ANO3: variants seen among roughly 807,000 people sequenced by gnomAD.
The protein encoded by ANO3 is anoctamin-3.
In ANO3, 99 loss-of-function variants were observed where a neutral mutation model predicts 144.8. The observed-to-expected ratio is 0.68, with a 90% CI of 0.58 to 0.81. ANO3 has a LOEUF of 0.81. ANO3 is among the 30% of genes least tolerant of loss of function. The probability of loss-of-function intolerance (pLI) is 0.00; values close to 1 mark genes in which losing one functional copy is unlikely to be tolerated. For missense variants in ANO3, 905 were observed against 1,202.2 expected (o/e 0.75, Z 3.66); for synonymous variants, 414 against 392.6 (o/e 1.05, Z -0.64).
At chr11:26,255,930 C>G (rs1481508369) in intron 1 of ANO3, among the ~76,000 whole-genome samples, 1 of 152,144 alleles carries the variant, frequency 6.6e-6, no homozygotes, top group Non-Finnish European at 1.5e-5. Context: ...AGGCCAGTCA[C>G]AGACTGTAGA....
At chr11:26,457,019 G>A (rs1224130059) in intron 3 of ANO3, among the ~76,000 whole-genome samples, 4 of 146,362 alleles carry the variant, frequency 2.7e-5, no homozygotes, top group Non-Finnish European at 5.9e-5. Flanking sequence ...GGTGGGAATT[G>A]AACTATGAGA....
intron 1 of ANO3, among the ~76,000 whole-genome samples, chr11:26,428,861 G>A (rs1332377971): frequency 1.3e-5 from 2 of 151,588 alleles, no homozygotes; most frequent in Admixed American, 1.3e-4. Flanking sequence ...GGAATAATGA[G>A]GGATTGGCTA....
intron 11 of ANO3, among the ~76,000 whole-genome samples, chr11:26,546,422 G>T (rs1849790015): frequency 6.6e-6 from 1 of 151,912 alleles, no homozygotes; most frequent in Non-Finnish European, 1.5e-5. Flanking sequence ...AGAAGAGAAG[G>T]CTTGTTAAGG....
intron 4 of ANO3, among the ~76,000 whole-genome samples, chr11:26,474,600 C>T (rs1261572236): frequency 1.3e-5 from 2 of 151,744 alleles, no homozygotes; most frequent in Non-Finnish European, 2.9e-5. Context: ...ACATCAGGTA[C>T]GAAGTTCACT....
At position 26,553,249 on chromosome 11, in the gene ANO3, C is replaced by G; in HGVS notation, c.1290C>G (p.Ser430Arg). The G allele has an allele frequency of 7.1e-7, 1 of 1,412,896 alleles. No individual in the cohort carries two copies. The highest frequency in any genetic ancestry group is 1.8e-5 in the Admixed American group (1 of 56,128). The allele number at this position is 1,412,896 out of a possible 1,614,324, so 87.5% of individuals were successfully genotyped here. A position where few individuals can be genotyped will look rare whatever the true frequency, so the allele number is the denominator to read the frequency against. Residue 430 changes from serine to arginine, a missense_variant and splice_region_variant, in exon 13 of 27, where the codon AGC (serine) becomes AGG (arginine). By Grantham distance (110) the Ser-to-Arg change is moderately radical. Coordinates refer to ENST00000256737, the MANE Select transcript of ANO3 (RefSeq NM_031418.4). ...GLFTMNNSQV[S>R]QEICKATEVF... ...GTTTTTGTTTTTGTTTTTTCTCAAG[C>G]CAAGAAATTTGTAAAGCCACTGAAG...
chr11:26,486,068 T>TA (rs147645311), intron 4 of ANO3, among the ~76,000 whole-genome samples: 27,904 of 151,510 alleles, frequency 0.18, 2,776 homozygotes, highest in South Asian at 0.34. Context: ...TTTATTTATT[T>TA]AAAAAAAAAT....
intron 1 of ANO3, among the ~76,000 whole-genome samples, chr11:26,249,218 C>G (rs934157367): frequency 2.6e-5 from 4 of 152,052 alleles, no homozygotes; most frequent in African/African-American, 9.7e-5. Flanking sequence ...AAACAAGACC[C>G]GCTTAATGTA....
chr11:26,355,859 C>T (rs1408498757), intron 1 of ANO3, among the ~76,000 whole-genome samples: 1 of 152,146 alleles, frequency 6.6e-6, no homozygotes, highest in African/African-American at 2.4e-5. Context: ...CGTGCCAAGC[C>T]CCCGCCGAAA....
chr11:26,657,756 G>A (rs1248200742), intron 26 of ANO3, among the ~76,000 whole-genome samples: 3 of 151,744 alleles, frequency 2.0e-5, no homozygotes, highest in Admixed American at 6.6e-5. Flanking sequence ...AACTTATTTT[G>A]TGCCTTCCCC....
At chr11:26,398,929 C>A (rs1857081686) in intron 1 of ANO3, among the ~76,000 whole-genome samples, 1 of 151,914 alleles carries the variant, frequency 6.6e-6, no homozygotes, top group African/African-American at 2.4e-5. Context: ...CTTTTGAAGT[C>A]AGTCTAGAAA....
At chr11:26,649,070 T>C (rs1853440639) in intron 24 of ANO3, among the ~76,000 whole-genome samples, 1 of 152,168 alleles carries the variant, frequency 6.6e-6, no homozygotes, top group Admixed American at 6.5e-5. Context: ...TAGGTTCGAG[T>C]TGTAACTTTG....
At chr11:26,229,775 A>T (rs1852349369) in intron 1 of ANO3, among the ~76,000 whole-genome samples, 1 of 152,194 alleles carries the variant, frequency 6.6e-6, no homozygotes, top group African/African-American at 2.4e-5. Context: ...AAACTTTAAA[A>T]TTGTGCATAC....
At position 26,560,918 on chromosome 11, in the gene ANO3, C is replaced by G. The variant is rs1473513655; in HGVS notation, c.1447+1139C>G. On this transcript the variant is annotated intron_variant, in intron 14 of 26. Coordinates refer to ENST00000256737, the MANE Select transcript of ANO3 (RefSeq NM_031418.4). ...ACCTTTGGATGATACATCCTGTCTA[C>G]ATTTCTGCTACTGGTCTCCTGCTTT... 2.8e-5 allele frequency: 21 copies of G among 755,924 alleles called. No individual in the cohort carries two copies. The Admixed American group carries it at 7.0e-4, about 25-fold the overall frequency. The allele number at this position is 755,924 out of a possible 1,614,324, so 46.8% of individuals were successfully genotyped here.
At chr11:26,246,196 T>C (rs1216919716) in intron 1 of ANO3, among the ~76,000 whole-genome samples, 2 of 152,108 alleles carry the variant, frequency 1.3e-5, no homozygotes, top group African/African-American at 2.4e-5. Context: ...CAGTAACATA[T>C]TTATTCTTTC....
In ANO3 at chr11:26,445,826, T is replaced by TTTA. The variant is rs200089142; in HGVS notation, c.313+2008_313+2010dup. Among the ~76,000 whole-genome samples the TTTA allele has an allele frequency of 6.9e-3, 1,054 of 151,750 alleles. 57 individuals are homozygous for TTTA. In the East Asian group the frequency reaches 0.1, roughly 14 times the overall value. On this transcript the variant is annotated intron_variant, in intron 3 of 26. Transcript: ENST00000256737. Reference sequence around the variant, plus strand: ...CTATGAGTGTTTTTTATTATTTTATTTTATTATTATTATTATTATTTTTGA... The same window carrying TTTA: ...CTATGAGTGTTTTTTATTATTTTATTTTATTATTATTATTATTATTATTTTTGA...
At chr11:26,239,352 C>T (rs17243204) in intron 1 of ANO3, among the ~76,000 whole-genome samples, 6,345 of 152,204 alleles carry the variant, frequency 0.042, 185 homozygotes, top group Non-Finnish European at 0.059. Flanking sequence ...TAATTTTCAT[C>T]TTCACTTACA....
At chr11:26,538,013 T>C (rs1340500901) in intron 10 of ANO3, among the ~76,000 whole-genome samples, 8 of 152,322 alleles carry the variant, frequency 5.3e-5, no homozygotes, top group South Asian at 2.1e-4. Context: ...AAGGTAAGAA[T>C]GGGGTCTTTA....
chr11:26,630,640 A>G (rs961889215), intron 18 of ANO3, among the ~76,000 whole-genome samples: 3 of 152,164 alleles, frequency 2.0e-5, no homozygotes, highest in Non-Finnish European at 2.9e-5. Context: ...TCTGCCCCTC[A>G]TTGTTAAGTT....
rs944586283 is a variant in ANO3, at chr11:26,452,731, A to G, written c.313+8895A>G. Among the ~76,000 whole-genome samples, 12 of 152,234 alleles carry G rather than the reference A, an allele frequency of 7.9e-5. No individual in the cohort carries two copies. In the South Asian group the frequency reaches 8.3e-4, roughly 11 times the overall value. On this transcript the variant is annotated intron_variant, in intron 3 of 26. Transcript: ENST00000256737. ...TTCAGATTCAGGAAATACAGAGAAC[A>G]CCACAAAGATACTCCTCGAGAAGAG...
Sources: gnomAD v4.1 joint callset for allele counts (sites outside exome capture counted in the v4.1 genomes callset) on GRCh38, gnomAD v4.1.1 for gene constraint, MANE v1.5 for transcripts, NCBI Gene and HGNC (gene_info 2026-07-23, HGNC 2026-07-21) for gene names.